The following ANKHD1 variants were observed in gnomAD, a reference collection of about 807,000 sequenced individuals.
The protein encoded by ANKHD1 is ankyrin repeat and KH domain-containing protein 1.
Under a neutral mutation model 230.5 loss-of-function variants are expected in ANKHD1, and 31 were observed. The observed-to-expected ratio is 0.13, with a 90% CI of 0.10 to 0.18. ANKHD1 has a LOEUF of 0.18. Among genes scored for constraint, ANKHD1 ranks in the 10% least tolerant of loss-of-function variants. The pLI is 1.00. For synonymous variants in ANKHD1, 1,074 were observed against 1,117.6 expected, an observed-to-expected ratio of 0.96 and a Z score of 0.78; for missense variants, 2,256 against 3,071.3, an observed-to-expected ratio of 0.73 and a Z score of 6.27.
chr5:140,464,956 A>T (rs1230938389), intron 10 of ANKHD1, 180 bp downstream of exon 10: 1 of 482,466 alleles, frequency 2.1e-6, no homozygotes, highest in African/African-American at 2.0e-5. Context: ...TTAGTGTTGA[A>T]CAGGGCATAC....
intron 10 of ANKHD1, among the ~76,000 whole-genome samples, chr5:140,477,960 A>C (rs1270197755): frequency 6.6e-6 from 1 of 152,218 alleles, no homozygotes; most frequent in East Asian, 1.9e-4. Flanking sequence ...TACAGTAAAA[A>C]TTACACGGTA....
chr5:140,508,346 G>T lies in ANKHD1; in HGVS notation c.3765+348G>T, dbSNP rs147908388. Among the ~76,000 whole-genome samples the T allele has an allele frequency of 3.0e-3, 453 of 152,310 alleles. 2 individuals carry two copies. The highest frequency in any genetic ancestry group is 0.01 in the African/African-American group (436 of 41,562). On this transcript the variant is annotated intron_variant, in intron 20 of 33. Transcript: ENST00000360839. ...TTTAATGAGGTATGTGCTTATCATTGTAAAAATCCCAAGCAAAAATTTAAT... is the reference window on the plus strand; with the variant it reads ...TTTAATGAGGTATGTGCTTATCATTTTAAAAATCCCAAGCAAAAATTTAAT...
At chr5:140,466,819 C>T (rs2126985170) in intron 10 of ANKHD1, among the ~76,000 whole-genome samples, 1 of 151,850 alleles carries the variant, frequency 6.6e-6, no homozygotes, top group African/African-American at 2.4e-5. Flanking sequence ...TGGTGGCGGG[C>T]CCCTGTAATC....
At chr5:140,428,371 C>T (rs996654444) in intron 1 of ANKHD1, among the ~76,000 whole-genome samples, 100 of 151,476 alleles carry the variant, frequency 6.6e-4, no homozygotes, top group African/African-American at 2.2e-3. Flanking sequence ...AACGAGACTC[C>T]GTCTGCAATC....
At chr5:140,440,450 G>A (rs969432934) in intron 4 of ANKHD1, among the ~76,000 whole-genome samples, 184 bp downstream of exon 4, 6 of 152,128 alleles carry the variant, frequency 3.9e-5, no homozygotes, top group African/African-American at 1.4e-4. Context: ...GCCGGTACAT[G>A]TAACTGAGAA....
chr5:140,422,170 T>A (rs1272963378), intron 1 of ANKHD1, among the ~76,000 whole-genome samples: 2 of 152,202 alleles, frequency 1.3e-5, no homozygotes, highest in African/African-American at 4.8e-5. Context: ...TCGCCCAGGC[T>A]GGAGTGCAGT....
At position 140,477,766 on chromosome 5, in the gene ANKHD1, C is replaced by T. The variant is rs559019945; in HGVS notation, c.1783-4814C>T. Among the ~76,000 whole-genome samples the T allele has an allele frequency of 7.9e-5, 12 of 152,284 alleles. No homozygotes were observed. The South Asian group carries it at 1.0e-3, about 13-fold the overall frequency. ...AGCTGGGATTACAGGCACCTGCCTC[C>T]GCGCCTGGGTAATTTTTGTATTTTT... is the stretch of plus-strand genomic sequence containing the variant. On this transcript the variant is annotated intron_variant, in intron 10 of 33. Coordinates refer to ENST00000360839, the MANE Select transcript of ANKHD1 (RefSeq NM_017747.3).
chr5:140,509,642 T>C lies in ANKHD1; in HGVS notation c.3771T>C (p.Gly1257=), dbSNP rs761886547. 1 of 1,574,254 alleles carries C rather than the reference T, an allele frequency of 6.4e-7. No individual in the cohort carries two copies. The highest frequency in any genetic ancestry group is 8.6e-7 in the Non-Finnish European group (1 of 1,163,282). Residue 1257 remains glycine, a synonymous_variant, in exon 21 of 34, where the codon GGT becomes GGC. Transcript: ENST00000360839. ...KANVEHRAKT[G]LTPLMEAASG... ...TAATTTATTGGTTTAAACAGACGGG[T>C]CTTACCCCCTTGATGGAAGCAGCTT...
intron 10 of ANKHD1, chr5:140,472,571 T>C (rs1191457403): frequency 1.5e-6 from 1 of 667,896 alleles, no homozygotes; most frequent in African/African-American, 1.9e-5. Flanking sequence ...TTTTACATTC[T>C]CCTTTATTGG....
rs1753734358 is a variant in ANKHD1, at chr5:140,529,812, T to C, written c.6850+16T>C. Reference sequence around the variant, plus strand: ...AGTCCAGTTGGTAAGTTATTAACTATTGCTGCAGTTGAGTTTGGAGCTCCT... The same window carrying C: ...AGTCCAGTTGGTAAGTTATTAACTACTGCTGCAGTTGAGTTTGGAGCTCCT... On this transcript the variant is annotated intron_variant, in intron 29 of 33. Coordinates refer to ENST00000360839, the MANE Select transcript of ANKHD1 (RefSeq NM_017747.3). 6.2e-7 allele frequency: 1 copy of C among 1,609,366 alleles called. No homozygotes were observed. The highest frequency in any genetic ancestry group is 8.5e-7 in the Non-Finnish European group (1 of 1,177,184).
At chr5:140,419,454 CTTTTTTT>C (rs144115557) in intron 1 of ANKHD1, among the ~76,000 whole-genome samples, 31 of 131,606 alleles carry the variant, frequency 2.4e-4, no homozygotes, top group Admixed American at 1.5e-3. Flanking sequence ...TTCTTTCTTT[CTTTTTTT>C]TTTTTTTTTT....
intron 15 of ANKHD1, among the ~76,000 whole-genome samples, chr5:140,504,219 TTC>T (rs1176021557): frequency 6.6e-6 from 1 of 152,028 alleles, no homozygotes; most frequent in Non-Finnish European, 1.5e-5. Flanking sequence ...CTGGCTAACT[TTC>T]TGTTTTTTTT....
chr5:140,500,149 G>A (rs982956678), intron 15 of ANKHD1, among the ~76,000 whole-genome samples: 11 of 152,084 alleles, frequency 7.2e-5, no homozygotes, highest in East Asian at 3.9e-4. Context: ...TTTTACGGGC[G>A]TGAGCCACCG....
In ANKHD1 at chr5:140,529,052, C is replaced by G; in HGVS notation, c.6106C>G (p.Gln2036Glu). 6.2e-7 allele frequency: 1 copy of G among 1,614,004 alleles called. No homozygotes were observed. The highest frequency in any genetic ancestry group is 8.5e-7 in the Non-Finnish European group (1 of 1,180,044). The change falls in exon 29 of 34, where the codon CAG becomes GAG. Residue 2036 changes from glutamine (Q) to glutamate (E), a missense_variant. Gln to Glu is a conservative substitution (Grantham distance 29, BLOSUM62 2). Transcript: ENST00000360839. ...CAAAGAGAAAGTGTCCACACAGGAC[C>G]AGCCCATGGCAAACCTATGTACCCC... ...PTKEKVSTQD[Q>E]PMANLCTPSS... is the part of the protein sequence containing the mutation.
At chr5:140,495,610 A>G (rs775445804) in intron 14 of ANKHD1, among the ~76,000 whole-genome samples, 7 of 152,182 alleles carry the variant, frequency 4.6e-5, no homozygotes, top group Non-Finnish European at 1.0e-4. Context: ...ACGTCAAAAA[A>G]TTTATGTCCT....
chr5:140,474,547 T>A (rs553600454), intron 10 of ANKHD1, among the ~76,000 whole-genome samples: 8 of 151,662 alleles, frequency 5.3e-5, no homozygotes, highest in Non-Finnish European at 8.8e-5. Context: ...ATAGAAAAAA[T>A]TCCACATTTT....
chr5:140,487,356 C>T (rs1206859254), intron 14 of ANKHD1, among the ~76,000 whole-genome samples: 1 of 152,146 alleles, frequency 6.6e-6, no homozygotes, highest in Non-Finnish European at 1.5e-5. Context: ...GTTTATCAGA[C>T]ATTCATTTTT....
intron 24 of ANKHD1, among the ~76,000 whole-genome samples, chr5:140,519,479 A>G (rs1753216031): frequency 6.6e-6 from 1 of 152,210 alleles, no homozygotes; most frequent in Non-Finnish European, 1.5e-5. Context: ...AGTCAGTCCT[A>G]CGCCAAAAGA....
rs570773312 is a variant in ANKHD1 at position 140,409,485 on chromosome 5, G to T, written c.306+7212G>T. 2.6e-5 allele frequency among the ~76,000 whole-genome samples: 4 copies of T among 151,958 alleles called. No individual in the cohort carries two copies. The East Asian group carries it at 5.8e-4, about 22-fold the overall frequency. On this transcript the variant is annotated intron_variant, in intron 1 of 33. Coordinates refer to ENST00000360839, the MANE Select transcript of ANKHD1 (RefSeq NM_017747.3). ...GAAATATAACTTTGTATTCTAGTGGGCTAATTTTGGAGACTTTGGAAATGC... is the reference window on the plus strand; with the variant it reads ...GAAATATAACTTTGTATTCTAGTGGTCTAATTTTGGAGACTTTGGAAATGC...
Sources: allele counts gnomAD v4.1 joint callset (sites outside exome capture counted in the v4.1 genomes callset), GRCh38; gene constraint gnomAD v4.1.1; transcripts MANE v1.5; gene names NCBI Gene and HGNC (gene_info 2026-07-23, HGNC 2026-07-21).